The following ERG variants were observed in gnomAD, a reference collection of about 807,000 sequenced individuals.
ERG encodes the protein transcriptional regulator ERG.
Under a neutral mutation model 55.3 loss-of-function variants are expected in ERG, and 9 were observed. That is an observed-to-expected ratio of 0.16 (90% CI 0.10 to 0.28). ERG has a LOEUF of 0.28. Ranked by LOEUF, ERG falls within the 10% of genes least tolerant of loss-of-function variation. The pLI, the probability that ERG is intolerant of heterozygous loss-of-function variation, is 1.00. For missense variants in ERG, 434 were observed against 631.6 expected, an observed-to-expected ratio of 0.69 and a Z score of 3.35; for synonymous variants, 223 against 237.3, an observed-to-expected ratio of 0.94 and a Z score of 0.55.
intron 1 of ERG, among the ~76,000 whole-genome samples, chr21:38,454,332 C>A (rs2058968376): frequency 6.6e-6 from 1 of 152,152 alleles, no homozygotes; most frequent in South Asian, 2.1e-4. Flanking sequence ...CTGGGCTCTG[C>A]CCTTGCTCTG....
At chr21:38,630,020 T>C (rs1315774004) in intron 1 of ERG, among the ~76,000 whole-genome samples, 2 of 152,054 alleles carry the variant, frequency 1.3e-5, no homozygotes, top group Non-Finnish European at 2.9e-5. Flanking sequence ...ACAAATATCA[T>C]ATGACTCCAC....
At chr21:38,554,430 A>G (rs1305270407) in intron 2 of ERG, among the ~76,000 whole-genome samples, 3 of 152,242 alleles carry the variant, frequency 2.0e-5, no homozygotes, top group Non-Finnish European at 4.4e-5. Flanking sequence ...GAAGTCCATC[A>G]GTGGTGGACT....
At chr21:38,626,201 C>T (rs1302517367) in intron 1 of ERG, among the ~76,000 whole-genome samples, 3 of 152,072 alleles carry the variant, frequency 2.0e-5, no homozygotes, top group Non-Finnish European at 2.9e-5. Flanking sequence ...GGATTACAGG[C>T]GTGAGCCACG....
intron 2 of ERG, among the ~76,000 whole-genome samples, chr21:38,436,463 A>G (rs1366487082): frequency 6.6e-6 from 1 of 152,166 alleles, no homozygotes; most frequent in Non-Finnish European, 1.5e-5. Context: ...ATCCCTCTCA[A>G]TGCAGGAAAG....
At chr21:38,399,734 T>G (rs1163265181) in intron 6 of ERG, among the ~76,000 whole-genome samples, 4 of 152,172 alleles carry the variant, frequency 2.6e-5, no homozygotes, top group Non-Finnish European at 5.9e-5. Context: ...GGGGATTGAG[T>G]TCCTCCCCAC....
intron 1 of ERG, among the ~76,000 whole-genome samples, chr21:38,484,838 G>GTACAAACCTAC (rs2059268829): frequency 6.6e-6 from 1 of 152,150 alleles, no homozygotes. Context: ...CATGTTTTTG[G>GTACAAACCTAC]TGGTGCTGGT....
chr21:38,519,041 A>T (rs1390344004), intron 2 of ERG, among the ~76,000 whole-genome samples: 2 of 152,228 alleles, frequency 1.3e-5, no homozygotes. Context: ...AAGGTCTTCT[A>T]CTTCATTAGT....
At chr21:38,403,145 C>G (rs565505869) in intron 4 of ERG, among the ~76,000 whole-genome samples, 1 of 152,146 alleles carries the variant, frequency 6.6e-6, no homozygotes, top group African/African-American at 2.4e-5. Context: ...GAAAGAGAAG[C>G]CTTAATGATT....
At chr21:38,581,244 T>G (rs1056849701) in intron 1 of ERG, among the ~76,000 whole-genome samples, 1 of 152,164 alleles carries the variant, frequency 6.6e-6, no homozygotes, top group East Asian at 1.9e-4. Flanking sequence ...GTGCTCGATA[T>G]GAGCACAGTG....
At chr21:38,410,374 A>G (rs1244800845) in intron 3 of ERG, among the ~76,000 whole-genome samples, 1 of 152,260 alleles carries the variant, frequency 6.6e-6, no homozygotes, top group Non-Finnish European at 1.5e-5. Flanking sequence ...CATGGACACC[A>G]AAATGGTAAA....
intron 2 of ERG, among the ~76,000 whole-genome samples, chr21:38,516,179 G>T (rs1315682074): frequency 6.6e-6 from 1 of 151,998 alleles, no homozygotes; most frequent in African/African-American, 2.4e-5. Context: ...AACTGGAAAA[G>T]AAGTCAAATT....
intron 1 of ERG, among the ~76,000 whole-genome samples, chr21:38,652,343 G>A (rs1281076317): frequency 1.3e-5 from 2 of 152,188 alleles, no homozygotes; most frequent in African/African-American, 4.8e-5. Context: ...CTATGGAATG[G>A]TGTAGATTGC....
intron 1 of ERG, among the ~76,000 whole-genome samples, chr21:38,456,430 T>C (rs2058990114): frequency 1.3e-5 from 2 of 152,062 alleles, no homozygotes; most frequent in Non-Finnish European, 1.5e-5. Flanking sequence ...TCAATAATAA[T>C]AATAAATAAA....
At chr21:38,628,026 G>A (rs757212596) in intron 1 of ERG, among the ~76,000 whole-genome samples, 87 of 104,494 alleles carry the variant, frequency 8.3e-4, no homozygotes, top group Non-Finnish European at 1.2e-3. Flanking sequence ...TTGGCTCACT[G>A]CAGCCCCAAC....
chr21:38,451,195 G>A, intron 1 of ERG: 1 of 509,032 alleles, frequency 2.0e-6, no homozygotes, highest in African/African-American at 1.9e-5. Context: ...AGAATCCCTG[G>A]ATCTGGGATG....
At chr21:38,511,151 T>C (rs990605026) in intron 2 of ERG, among the ~76,000 whole-genome samples, 3 of 152,190 alleles carry the variant, frequency 2.0e-5, no homozygotes, top group African/African-American at 7.2e-5. Context: ...AGGTAATGAA[T>C]ATAAATGAAG....
intron 9 of ERG, among the ~76,000 whole-genome samples, chr21:38,386,589 C>A (rs534834119): frequency 6.6e-6 from 1 of 152,192 alleles, no homozygotes; most frequent in South Asian, 2.1e-4. Flanking sequence ...TAATGTGTGA[C>A]GAGGTGCATT....
chr21:38,463,408 C>T (rs994972436), intron 1 of ERG, among the ~76,000 whole-genome samples: 8 of 152,168 alleles, frequency 5.3e-5, no homozygotes, highest in African/African-American at 1.9e-4. Flanking sequence ...GCAGGAGATT[C>T]GTCAGGGCTG....
At chr21:38,403,144 G>A (rs180786984) in intron 4 of ERG, among the ~76,000 whole-genome samples, 2 of 152,210 alleles carry the variant, frequency 1.3e-5, no homozygotes, top group Non-Finnish European at 1.5e-5. Flanking sequence ...CGAAAGAGAA[G>A]CCTTAATGAT....
Sources: gnomAD v4.1 joint callset for allele counts (sites outside exome capture counted in the v4.1 genomes callset) on GRCh38, gnomAD v4.1.1 for gene constraint, MANE v1.5 for transcripts, NCBI Gene and HGNC (gene_info 2026-07-23, HGNC 2026-07-21) for gene names.